The following TNR variants were observed in gnomAD, a reference collection of about 807,000 sequenced individuals.
TNR encodes the protein tenascin-R.
TNR carries 45 observed loss-of-function variants against 150.4 expected under a neutral mutation model. The observed-to-expected ratio is 0.30, with a 90% CI of 0.24 to 0.38. The LOEUF (loss-of-function observed/expected upper bound fraction) is 0.38. Ranked by LOEUF, TNR falls within the 10% of genes least tolerant of loss-of-function variation. TNR has a pLI of 1.00. For missense variants in TNR, 1,544 were observed against 1,759.1 expected, an observed-to-expected ratio of 0.88 and a Z score of 2.19; for synonymous variants, 687 against 678.4, an observed-to-expected ratio of 1.01 and a Z score of -0.20.
At chr1:175,593,272 C>T (rs1662873442) in intron 1 of TNR, among the ~76,000 whole-genome samples, 3 of 152,176 alleles carry the variant, frequency 2.0e-5, no homozygotes, top group Non-Finnish European at 4.4e-5. Context: ...CACGAAAGAG[C>T]TCAAGCCAGT....
intron 2 of TNR, among the ~76,000 whole-genome samples, chr1:175,516,513 C>A (rs960292153): frequency 6.6e-6 from 1 of 152,120 alleles, no homozygotes; most frequent in Non-Finnish European, 1.5e-5. Context: ...GAGAAATGAC[C>A]GTGCTCATGA....
At chr1:175,620,356 CAG>C (rs1663928629) in intron 1 of TNR, among the ~76,000 whole-genome samples, 2 of 152,162 alleles carry the variant, frequency 1.3e-5, no homozygotes, top group African/African-American at 4.8e-5. Flanking sequence ...TTGGAATAGG[CAG>C]AGAGAACTGG....
intron 1 of TNR, among the ~76,000 whole-genome samples, chr1:175,555,075 G>C (rs1661098659): frequency 6.6e-6 from 1 of 152,144 alleles, no homozygotes; most frequent in African/African-American, 2.4e-5. Context: ...ATTAAGCATA[G>C]TCCTAGGTGC....
intron 1 of TNR, among the ~76,000 whole-genome samples, chr1:175,663,933 A>T (rs1274589564): frequency 1.3e-5 from 2 of 152,134 alleles, no homozygotes; most frequent in Non-Finnish European, 1.5e-5. Context: ...GGTAACTTGG[A>T]GATGGCCTGT....
chr1:175,717,887 T>C (rs983517781), intron 1 of TNR, among the ~76,000 whole-genome samples: 4 of 152,184 alleles, frequency 2.6e-5, no homozygotes, highest in Non-Finnish European at 5.9e-5. Context: ...TGTTCTGCCC[T>C]TCATAGATAC....
intron 1 of TNR, among the ~76,000 whole-genome samples, chr1:175,639,869 A>C (rs977228982): frequency 6.6e-6 from 1 of 152,190 alleles, no homozygotes; most frequent in Non-Finnish European, 1.5e-5. Context: ...GTCTCTGTTC[A>C]AATGTCCTCT....
intron 1 of TNR, among the ~76,000 whole-genome samples, chr1:175,570,126 C>T (rs186289370): frequency 6.6e-6 from 1 of 152,364 alleles, no homozygotes; most frequent in East Asian, 1.9e-4. Context: ...CACACACACA[C>T]TTTCCTGGCC....
intron 9 of TNR, among the ~76,000 whole-genome samples, chr1:175,376,511 G>T (rs1027782309): frequency 2.6e-5 from 4 of 152,232 alleles, no homozygotes; most frequent in African/African-American, 9.6e-5. Flanking sequence ...GTTGCATGGA[G>T]CAGAGCATTC....
At chr1:175,583,456 A>G (rs561806592) in intron 1 of TNR, among the ~76,000 whole-genome samples, 2 of 152,184 alleles carry the variant, frequency 1.3e-5, no homozygotes, top group Non-Finnish European at 2.9e-5. Context: ...GCCGGCTGCC[A>G]AGGTCATGCA....
intron 1 of TNR, among the ~76,000 whole-genome samples, chr1:175,569,180 G>C (rs1334019045): frequency 6.6e-6 from 1 of 152,164 alleles, no homozygotes; most frequent in African/African-American, 2.4e-5. Flanking sequence ...TGCACTTGCT[G>C]TGGACATCCC....
At chr1:175,437,797 C>T (rs1421509570) in intron 2 of TNR, among the ~76,000 whole-genome samples, 14 of 152,174 alleles carry the variant, frequency 9.2e-5, no homozygotes, top group African/African-American at 2.6e-4. Flanking sequence ...ATAAATTCCT[C>T]GACACATACA....
At chr1:175,345,278 T>C (rs992663575) in intron 18 of TNR, among the ~76,000 whole-genome samples, 5 of 152,200 alleles carry the variant, frequency 3.3e-5, no homozygotes, top group Non-Finnish European at 4.4e-5. Context: ...CTGTGGCCTT[T>C]TTCTAATACC....
At chr1:175,509,784 A>C (rs544694448) in intron 2 of TNR, among the ~76,000 whole-genome samples, 3 of 152,338 alleles carry the variant, frequency 2.0e-5, no homozygotes, top group South Asian at 2.1e-4. Flanking sequence ...GCTTTGTTAA[A>C]TGTAGAGATC....
chr1:175,690,888 G>A (rs1666341407), intron 1 of TNR, among the ~76,000 whole-genome samples: 1 of 152,176 alleles, frequency 6.6e-6, no homozygotes, highest in African/African-American at 2.4e-5. Context: ...TAAGATACAT[G>A]AGACTGGCTG....
In TNR at chr1:175,396,498, T is replaced by C. The variant is rs751647538; in HGVS notation, c.1240+46A>G. On this transcript the variant is annotated intron_variant, in intron 5 of 22. Transcript: ENST00000367674. ...ACTATCATGAATGCCCATGATCTCA[T>C]GTAGGAGAAAAGAAAAATGAAGCAG... 3.1e-6 allele frequency: 5 copies of C among 1,592,028 alleles called. No individual in the cohort carries two copies. The South Asian group carries it at 4.5e-5, about 14-fold the overall frequency.
intron 1 of TNR, among the ~76,000 whole-genome samples, chr1:175,671,918 TG>T (rs1396583607): frequency 6.7e-6 from 1 of 149,060 alleles, no homozygotes; most frequent in Admixed American, 6.6e-5. Context: ...TACCTGTGTG[TG>T]TGTGTGTGTG....
intron 18 of TNR, among the ~76,000 whole-genome samples, chr1:175,346,888 G>GA (rs59468796): frequency 0.56 from 69,343 of 124,924 alleles, 18,298 homozygotes; most frequent in East Asian, 0.78. Flanking sequence ...TTCCACAAAA[G>GA]AAAAAAAAAA....
At chr1:175,502,746 C>T (rs575008945) in intron 2 of TNR, among the ~76,000 whole-genome samples, 8 of 152,220 alleles carry the variant, frequency 5.3e-5, no homozygotes, top group East Asian at 1.9e-4. Flanking sequence ...ACAGGGAGAA[C>T]AGCACCTAAG....
At chr1:175,391,214 C>G in intron 7 of TNR, 74 bp downstream of exon 7, 1 of 1,564,634 alleles carries the variant, frequency 6.4e-7, no homozygotes, top group Non-Finnish European at 8.7e-7. Flanking sequence ...TCTCTCCACT[C>G]CTTGGGCAAT....
Sources: gnomAD v4.1 joint callset for allele counts (sites outside exome capture counted in the v4.1 genomes callset) on GRCh38, gnomAD v4.1.1 for gene constraint, MANE v1.5 for transcripts, NCBI Gene and HGNC (gene_info 2026-07-23, HGNC 2026-07-21) for gene names.